HDC: variants seen among roughly 807,000 people sequenced by gnomAD.
HDC encodes the protein histidine decarboxylase.
In HDC, 27 loss-of-function variants were observed where a neutral mutation model predicts 64.4. That is an observed-to-expected ratio of 0.42 (90% CI 0.31 to 0.58). The LOEUF (loss-of-function observed/expected upper bound fraction) is 0.58, where lower values mean the gene tolerates loss of function less well. Among genes scored for constraint, HDC ranks in the 20% least tolerant of loss-of-function variants. HDC has a pLI of 0.16. For synonymous variants in HDC, 305 were observed against 314.2 expected, an observed-to-expected ratio of 0.97 and a Z score of 0.31; for missense variants, 711 against 833.9, an observed-to-expected ratio of 0.85 and a Z score of 1.81.
chr15:50,252,831 T>C (rs2045576345), intron 7 of HDC, 57 bp from the exon 8 acceptor site: 2 of 1,543,234 alleles, frequency 1.3e-6, no homozygotes, highest in Non-Finnish European at 1.8e-6. Context: ...GAAAGATGTC[T>C]CGCACCTGGC....
chr15:50,248,195 G>A lies in HDC; in HGVS notation c.1140+50C>T, dbSNP rs777511793. 3.0e-6 allele frequency: 4 copies of A among 1,327,206 alleles called. No individual in the cohort carries two copies. The highest frequency in any genetic ancestry group is 4.3e-6 in the Non-Finnish European group (4 of 920,848). 82.2% of individuals were successfully genotyped at this position (1,327,206 alleles called of 1,614,324 possible). ...AGTAGAAACCAGCCTTCCTCGCCAT[G>A]AGAAAACAGAGGAACACAGGCTCAG... On this transcript the variant is annotated intron_variant, in intron 10 of 11. Coordinates refer to ENST00000267845, the MANE Select transcript of HDC (RefSeq NM_002112.4). This position sits in a 1 kb window ranked among gnomAD's most constrained non-coding sequence, Gnocchi z 4.3.
chr15:50,261,945 G>C (rs2045709953), intron 2 of HDC, among the ~76,000 whole-genome samples: 2 of 152,208 alleles, frequency 1.3e-5, no homozygotes, highest in East Asian at 3.9e-4. Context: ...CCGACCTCAG[G>C]TGATCCACCT....
chr15:50,261,829 C>A (rs1378881430), intron 2 of HDC, among the ~76,000 whole-genome samples: 1 of 151,890 alleles, frequency 6.6e-6, no homozygotes, highest in African/African-American at 2.4e-5. Flanking sequence ...CCTACCTCAG[C>A]CTCCCAAGTA....
chr15:50,257,510 A>G lies in HDC; in HGVS notation c.356T>C (p.Val119Ala), dbSNP rs957751058. The G allele has an allele frequency of 1.2e-5, 19 of 1,614,098 alleles. No homozygotes were observed. The highest frequency in any genetic ancestry group is 1.5e-5 in the Non-Finnish European group (18 of 1,180,046). ...CAGCATTTTTGCCAACCAGTCCATG[A>G]CGTTCATCTCCAGCTCTGTACACGC... ...SPACTELEMNVMDWLAKMLGL... is the reference protein window; with the variant it reads ...SPACTELEMNAMDWLAKMLGL... The change falls in exon 4 of 12, where the codon GTC becomes GCC. Residue 119 changes from valine to alanine, a missense_variant. Around this residue, in one of 3 missense-constraint regions of HDC, gnomAD observed 225 missense variants for 276.2 expected, o/e 0.81. Coordinates refer to ENST00000267845, the MANE Select transcript of HDC (RefSeq NM_002112.4).
Position 50,253,100 on chromosome 15 carries a change from C to T in HDC, c.788-326G>A. ...ACCAGCACAGAGAGCAATGTCAGTG[C>T]ACCGAATACAAAAGTTAGAGGGAAG... On this transcript the variant is annotated intron_variant, in intron 7 of 11. Coordinates refer to ENST00000267845, the MANE Select transcript of HDC (RefSeq NM_002112.4). 1.4e-5 allele frequency: 6 copies of T among 442,452 alleles called. No homozygotes were observed. In the South Asian group the frequency reaches 1.4e-4, roughly 10 times the overall value. 27.4% of individuals were successfully genotyped at this position (442,452 alleles called of 1,614,324 possible). A position where few individuals can be genotyped will look rare whatever the true frequency, so the allele number is the denominator to read the frequency against.
intron 2 of HDC, among the ~76,000 whole-genome samples, chr15:50,262,699 G>A (rs568864211): frequency 3.3e-5 from 5 of 152,294 alleles, no homozygotes; most frequent in African/African-American, 1.2e-4. Context: ...GGACAGGAGG[G>A]GTTGCCAGGG....
Position 50,254,776 on chromosome 15 carries a change from C to CTCTCTGTG in HDC, c.442-113_442-112insCACAGAGA, listed in dbSNP as rs542486289. On this transcript the variant is annotated intron_variant, in intron 4 of 11. Coordinates refer to ENST00000267845, the MANE Select transcript of HDC (RefSeq NM_002112.4). ...TCTCTCTCTCTCTCTCTCTCTCTCTCTGTGTGTGTATGTGTTTGTGTATGT... is the reference window on the plus strand; with the variant it reads ...TCTCTCTCTCTCTCTCTCTCTCTCTCTCTCTGTGTGTGTGTGTATGTGTTTGTGTATGT... The CTCTCTGTG allele has an allele frequency of 8.6e-5, 71 of 826,412 alleles. No homozygotes were observed. The African/African-American group carries it at 9.8e-4, about 11-fold the overall frequency. 51.2% of individuals were successfully genotyped at this position (826,412 alleles called of 1,614,324 possible).
intron 7 of HDC, 165 bp from the exon 8 acceptor site, chr15:50,252,939 G>C: frequency 1.5e-6 from 1 of 673,652 alleles, no homozygotes; most frequent in South Asian, 1.8e-5. Context: ...TGAAGAAGTG[G>C]GGCTGAAGGA....
rs758889032 is a variant in HDC at position 50,242,631 on chromosome 15, G to A, written c.1618C>T (p.Leu540Phe). The A allele has an allele frequency of 5.0e-6, 8 of 1,614,062 alleles. No individual in the cohort carries two copies. Among genetic ancestry groups the A allele is most frequent in the Non-Finnish European group, 6.8e-6 (8 of 1,180,034 alleles). The change falls in exon 12 of 12, where the codon CTC (leucine) becomes TTC (phenylalanine). Residue 540 changes from leucine to phenylalanine, a missense_variant. By Grantham distance (22) the Leu-to-Phe change is conservative (BLOSUM62 0). This residue lies in a region of HDC where 483 missense variants were observed against 540.9 expected (regional missense o/e 0.89). Transcript: ENST00000267845. ...GAGPMKRENG[L>F]HLETLLDPVD... ...GGGTCCAGCAGGGTTTCAAGATGGA[G>A]GCCATTTTCCCTTTTCATGGGACCG...
In HDC at chr15:50,252,339, G is replaced by A. The variant is rs536061163; in HGVS notation, c.1041+91C>T. ...AGCTCATAGTGTGCTGCCTTCTGAA[G>A]GGAGCCACCGTACAGATTTTGGGGG... On this transcript the variant is annotated intron_variant, in intron 9 of 11. Transcript: ENST00000267845. 28 of 937,702 alleles carry A rather than the reference G, an allele frequency of 3.0e-5. No individual in the cohort carries two copies. In the East Asian group the frequency reaches 6.3e-4, roughly 21 times the overall value. 58.1% of individuals were successfully genotyped at this position (937,702 alleles called of 1,614,324 possible). A position where few individuals can be genotyped will look rare whatever the true frequency, so the allele number is the denominator to read the frequency against.
chr15:50,258,286 C>A, intron 3 of HDC, 118 bp downstream of exon 3: 2 of 710,630 alleles, frequency 2.8e-6, no homozygotes. Context: ...AAGAATATAG[C>A]CCTCATTAAT....
At chr15:50,259,155 C>A in intron 2 of HDC, among the ~76,000 whole-genome samples, 1 of 151,632 alleles carries the variant, frequency 6.6e-6, no homozygotes, top group Non-Finnish European at 1.5e-5. Flanking sequence ...GAGCAAGACT[C>A]CGTCTCAAAA....
In HDC at chr15:50,254,146, C is replaced by G; in HGVS notation, c.704G>C (p.Gly235Ala). ...QKAIEEDKQR[G>A]LVPVFVCATL... ...CTGACTTACAAAGACGGGCACCAAG[C>G]CCCGCTGCTTGTCTTCCTCGATGGC... Residue 235 changes from glycine to alanine, a missense_variant, in exon 6 of 12, where the codon GGC becomes GCC. By Grantham distance (60) the Gly-to-Ala change is moderately conservative (BLOSUM62 0). Around this residue, in one of 3 missense-constraint regions of HDC, gnomAD observed 483 missense variants for 540.9 expected, o/e 0.89. Coordinates refer to ENST00000267845, the MANE Select transcript of HDC (RefSeq NM_002112.4). 6.2e-7 allele frequency: 1 copy of G among 1,614,204 alleles called. No individual in the cohort carries two copies. The highest frequency in any genetic ancestry group is 8.5e-7 in the Non-Finnish European group (1 of 1,180,042).
At chr15:50,262,007 C>T (rs1454036505) in intron 2 of HDC, among the ~76,000 whole-genome samples, 1 of 152,106 alleles carries the variant, frequency 6.6e-6, no homozygotes, top group African/African-American at 2.4e-5. Flanking sequence ...CCGCGCCTGG[C>T]CTTTTTGTCA....
Position 50,254,671 on chromosome 15 carries a change from G to A in HDC, c.442-7C>T. 6.2e-7 allele frequency: 1 copy of A among 1,613,824 alleles called. No individual in the cohort carries two copies. Among genetic ancestry groups the A allele is most frequent in the African/African-American group, 1.3e-5 (1 of 74,928 alleles). ...TGGATTCACTGACCGTGCTCTGCAG[G>A]GGAAAAGGATTATCATGGCAGCCTT... On this transcript the variant is annotated splice_polypyrimidine_tract_variant and splice_region_variant and intron_variant, in intron 4 of 11. Coordinates refer to ENST00000267845, the MANE Select transcript of HDC (RefSeq NM_002112.4).
intron 10 of HDC, 43 bp from the exon 11 acceptor site, chr15:50,243,287 C>G: frequency 7.8e-7 from 1 of 1,275,008 alleles, no homozygotes; most frequent in Non-Finnish European, 1.1e-6. Flanking sequence ...AATCATCAGA[C>G]AAGAGACTAT....
At chr15:50,253,008 A>C in intron 7 of HDC, 1 of 576,318 alleles carries the variant, frequency 1.7e-6, no homozygotes, top group Non-Finnish European at 3.1e-6. Context: ...TTTTTCTTCC[A>C]CTGGGTAAAG....
chr15:50,242,178 G>T lies in HDC; in HGVS notation c.*82C>A. ...CCAAGAAAAATGCATGTACACATAA[G>T]CACACAAAGTTGGCATACAATTGTG... On this transcript the variant is annotated 3_prime_UTR_variant, in exon 12 of 12. Transcript: ENST00000267845. 1 of 1,154,364 alleles carries T rather than the reference G, an allele frequency of 8.7e-7. No homozygotes were observed. The highest frequency in any genetic ancestry group is 1.3e-6 in the Non-Finnish European group (1 of 765,744). 71.5% of individuals were successfully genotyped at this position (1,154,364 alleles called of 1,614,324 possible).
Position 50,265,632 on chromosome 15 carries a change from G to A in HDC, c.-9C>T, listed in dbSNP as rs1465954565. 6.2e-7 allele frequency: 1 copy of A among 1,613,798 alleles called. No individual in the cohort carries two copies. ...TCCTCAGGCTCCATCATCTCCCTTG[G>A]GCTCTGGCTCCTTCTCACAGATGGA... On this transcript the variant is annotated 5_prime_UTR_variant, in exon 1 of 12. Transcript: ENST00000267845.
Sources: gnomAD v4.1 joint callset for allele counts (sites outside exome capture counted in the v4.1 genomes callset) on GRCh38, gnomAD v4.1.1 for gene constraint, gnomAD v4.1.1 regional missense constraint, Gnocchi (gnomAD v3.1) non-coding constraint, MANE v1.5 for transcripts, NCBI Gene and HGNC (gene_info 2026-07-23, HGNC 2026-07-21) for gene names.